Variants in ANAPC4 observed in about 807,000 individuals in gnomAD.
The protein encoded by ANAPC4 is anaphase-promoting complex subunit 4.
A neutral mutation model predicts 119.8 loss-of-function variants in ANAPC4; 63 were observed. The observed-to-expected ratio is 0.53, with a 90% CI of 0.43 to 0.65. The LOEUF is 0.65. Ranked by LOEUF, ANAPC4 falls within the 30% of genes least tolerant of loss-of-function variation. The pLI, the probability that ANAPC4 is intolerant of heterozygous loss-of-function variation, is 0.00. For synonymous variants in ANAPC4, 283 were observed against 318.6 expected (o/e 0.89, Z 1.19); for missense variants, 716 against 945.1 (o/e 0.76, Z 3.18).
At chr4:25,406,794 A>C (rs761280016) in intron 18 of ANAPC4, 35 bp from the exon 19 acceptor site, 2 of 1,500,122 alleles carry the variant, frequency 1.3e-6, no homozygotes, top group African/African-American at 1.4e-5. Flanking sequence ...GCTTTCTTTT[A>C]TCTTGATTTT....
At chr4:25,394,964 T>C in intron 14 of ANAPC4, 59 bp downstream of exon 14, 2 of 1,289,034 alleles carry the variant, frequency 1.6e-6, no homozygotes, top group Admixed American at 4.3e-5. Context: ...GCGTTGGCCT[T>C]CTTTCCGCCG....
intron 3 of ANAPC4, chr4:25,380,680 C>T (rs1721666114): frequency 5.1e-6 from 2 of 390,480 alleles, no homozygotes; most frequent in Non-Finnish European, 4.5e-6. Context: ...GCAAAGATAT[C>T]TCTTAAATAA....
At chr4:25,390,743 A>T (rs1040804951) in intron 8 of ANAPC4, among the ~76,000 whole-genome samples, 168 bp from the exon 9 acceptor site, 2 of 152,196 alleles carry the variant, frequency 1.3e-5, no homozygotes, top group Non-Finnish European at 2.9e-5. Flanking sequence ...CCTTGTAACT[A>T]GAAAGGTCCA....
At chr4:25,409,189 A>G (rs968161492) in intron 20 of ANAPC4, among the ~76,000 whole-genome samples, 2 of 152,094 alleles carry the variant, frequency 1.3e-5, no homozygotes, top group African/African-American at 4.8e-5. Flanking sequence ...ATCTCACTTG[A>G]AGAACAACTG....
Position 25,396,856 on chromosome 4 carries a change from A to C in ANAPC4, c.1171A>C (p.Thr391Pro). ...LDAAGIEEAI[T>P]AVGSFILKAN... ...TTATTTTTTCCCTTTAGAAGCTATA[A>C]CTGCTGTGGGTTCTTTTATACTCAA... The change falls in exon 16 of 29, where the codon ACT becomes CCT. Residue 391 changes from threonine to proline, a missense_variant. Thr to Pro is a conservative substitution (Grantham distance 38, BLOSUM62 -1). This residue lies in a region of ANAPC4 where 504 missense variants were observed against 615.8 expected (regional missense o/e 0.82). Transcript: ENST00000315368. 6.2e-7 allele frequency: 1 copy of C among 1,612,774 alleles called. No individual in the cohort carries two copies. The highest frequency in any genetic ancestry group is 8.5e-7 in the Non-Finnish European group (1 of 1,179,612).
intron 17 of ANAPC4, among the ~76,000 whole-genome samples, chr4:25,403,762 A>T (rs1723105881): frequency 6.6e-6 from 1 of 152,210 alleles, no homozygotes. Context: ...GCCACACAGA[A>T]GTAGAACATT....
rs760362026 is a variant in ANAPC4, at chr4:25,392,358, C to T, written c.726C>T (p.Tyr242=). 2 of 1,612,856 alleles carry T rather than the reference C, an allele frequency of 1.2e-6. No homozygotes were observed. Among genetic ancestry groups the T allele is most frequent in the East Asian group, 2.2e-5 (1 of 44,820 alleles). Residue 242 remains tyrosine (Y), a synonymous_variant, in exon 10 of 29, where the codon TAC becomes TAT. Transcript: ENST00000315368. The part of the protein sequence containing the change: ...SYFQLETNLL[Y]SFLPEVTRMA... Reference sequence around the variant, plus strand: ...TACAGCTTGAAACTAATCTGTTGTACTCTTTCTTACCTGAAGTAACTCGGA... The same window carrying T: ...TACAGCTTGAAACTAATCTGTTGTATTCTTTCTTACCTGAAGTAACTCGGA...
In ANAPC4 at chr4:25,407,244, A is replaced by C; in HGVS notation, c.1422A>C (p.Arg474Ser). ...AAGGAAAATACTTTAACGTTGAAAGAGTTGGTCAGGTATGGGCTTTGAACT... is the reference window on the plus strand; with the variant it reads ...AAGGAAAATACTTTAACGTTGAAAGCGTTGGTCAGGTATGGGCTTTGAACT... ...NRKGKYFNVERVGQYLKDEDD... is the reference protein window; with the variant it reads ...NRKGKYFNVESVGQYLKDEDD... Residue 474 changes from arginine (R) to serine (S), a missense_variant, in exon 20 of 29, where the codon AGA becomes AGC. By Grantham distance (110) the Arg-to-Ser change is moderately radical. Transcript: ENST00000315368. 1 of 1,608,454 alleles carries C rather than the reference A, an allele frequency of 6.2e-7. No individual in the cohort carries two copies. Among genetic ancestry groups the C allele is most frequent in the Non-Finnish European group, 8.5e-7 (1 of 1,178,130 alleles).
chr4:25,405,136 A>G lies in ANAPC4; in HGVS notation c.1271-437A>G, dbSNP rs1383646582. ...CAGATACTAGATCAAAGAAAAGTAC[A>G]TAAATATACTGTAAGCGCGTAGCAG... On this transcript the variant is annotated intron_variant, in intron 17 of 28. Coordinates refer to ENST00000315368, the MANE Select transcript of ANAPC4 (RefSeq NM_013367.3). The surrounding 1 kb of genome is among the most constrained non-coding windows in gnomAD (Gnocchi z 4.6). Among the ~76,000 whole-genome samples the G allele has an allele frequency of 6.6e-6, 1 of 151,466 alleles. No individual in the cohort carries two copies. The highest frequency in any genetic ancestry group is 6.6e-5 in the Admixed American group (1 of 15,114).
chr4:25,385,822 T>C (rs961252492), intron 4 of ANAPC4, among the ~76,000 whole-genome samples: 3 of 152,210 alleles, frequency 2.0e-5, no homozygotes, highest in African/African-American at 7.2e-5. Context: ...AATATTGTTG[T>C]GTCTCAAGGA....
chr4:25,403,179 G>C (rs1723072238), intron 17 of ANAPC4, among the ~76,000 whole-genome samples, 153 bp downstream of exon 17: 1 of 152,054 alleles, frequency 6.6e-6, no homozygotes, highest in Non-Finnish European at 1.5e-5. Flanking sequence ...AGCTTCAGCA[G>C]TTATCAACAC....
chr4:25,381,590 G>T (rs996025236), intron 3 of ANAPC4, among the ~76,000 whole-genome samples: 12 of 152,156 alleles, frequency 7.9e-5, no homozygotes, highest in African/African-American at 2.9e-4. Context: ...GGGATTACAG[G>T]CGTGAACCAC....
intron 16 of ANAPC4, among the ~76,000 whole-genome samples, chr4:25,399,257 T>C (rs1400962742): frequency 2.6e-5 from 4 of 152,194 alleles, no homozygotes; most frequent in African/African-American, 9.7e-5. Flanking sequence ...TAATACAGTA[T>C]ATTAACCTAC....
chr4:25,398,989 C>T lies in ANAPC4; in HGVS notation c.1214+2090C>T, dbSNP rs551131706. On this transcript the variant is annotated intron_variant, in intron 16 of 28. Coordinates refer to ENST00000315368, the MANE Select transcript of ANAPC4 (RefSeq NM_013367.3). ...TGGACATACTAGATTGTTCTTTAGA[C>T]TTACTATTTTGAAGTAATTTTACAT... Among the ~76,000 whole-genome samples the T allele has an allele frequency of 4.0e-5, 6 of 151,100 alleles. No homozygotes were observed. In the East Asian group the frequency reaches 1.2e-3, roughly 29 times the overall value.
chr4:25,414,219 G>T, intron 22 of ANAPC4, 105 bp from the exon 23 acceptor site: 2 of 752,814 alleles, frequency 2.7e-6, no homozygotes, highest in South Asian at 2.6e-5. Flanking sequence ...GGTGATGTAG[G>T]CGATTTTTTT....
At chr4:25,412,028 T>A (rs541102716) in intron 21 of ANAPC4, among the ~76,000 whole-genome samples, 21 of 152,304 alleles carry the variant, frequency 1.4e-4, no homozygotes, top group African/African-American at 5.1e-4. Flanking sequence ...GTTGTCTGAC[T>A]TGGCTATAAG....
chr4:25,387,245 C>T (rs989515248), intron 4 of ANAPC4, among the ~76,000 whole-genome samples: 1 of 152,124 alleles, frequency 6.6e-6, no homozygotes, highest in Non-Finnish European at 1.5e-5. Flanking sequence ...TTGGCTAATA[C>T]TGAAAACAAA....
chr4:25,380,480 G>A lies in ANAPC4; in HGVS notation c.235+1G>A, dbSNP rs770288432. The A allele has an allele frequency of 3.1e-6, 5 of 1,595,002 alleles. No homozygotes were observed. The highest frequency in any genetic ancestry group is 1.1e-5 in the South Asian group (1 of 88,446). On this transcript the variant is annotated splice_donor_variant, in intron 3 of 28. Transcript: ENST00000315368. LOFTEE classifies it high-confidence loss of function. ...CTGGCATGGAGACCAGATGGCAAACGTAATGATAATATTACAAAAAAAATA... is the reference window on the plus strand; with the variant it reads ...CTGGCATGGAGACCAGATGGCAAACATAATGATAATATTACAAAAAAAATA...
intron 3 of ANAPC4, 136 bp downstream of exon 3, chr4:25,380,615 A>G: frequency 2.0e-6 from 1 of 498,772 alleles, no homozygotes; most frequent in East Asian, 3.3e-5. Context: ...TTTTAAAAAA[A>G]ATGCCTTAAA....
Sources: gnomAD v4.1 joint callset for allele counts (sites outside exome capture counted in the v4.1 genomes callset) on GRCh38, gnomAD v4.1.1 for gene constraint, gnomAD v4.1.1 regional missense constraint, Gnocchi (gnomAD v3.1) non-coding constraint, MANE v1.5 for transcripts, NCBI Gene and HGNC (gene_info 2026-07-23, HGNC 2026-07-21) for gene names.